Variants in SLCO3A1 observed in about 807,000 individuals in gnomAD.
SLCO3A1 encodes the protein PGE1 transporter.
In SLCO3A1, 27 loss-of-function variants were observed where a neutral mutation model predicts 63.1. That is an observed-to-expected ratio of 0.43 (90% CI 0.32 to 0.59). SLCO3A1 has a LOEUF of 0.59. SLCO3A1 is among the 20% of genes least tolerant of loss of function. The pLI, the probability that SLCO3A1 is intolerant of heterozygous loss-of-function variation, is 0.09. For synonymous variants in SLCO3A1, 473 were observed against 409.9 expected, an observed-to-expected ratio of 1.15 and a Z score of -1.86; for missense variants, 773 against 945.8, an observed-to-expected ratio of 0.82 and a Z score of 2.40.
chr15:91,960,177 G>A (rs1340344869), intron 2 of SLCO3A1, among the ~76,000 whole-genome samples: 1 of 152,154 alleles, frequency 6.6e-6, no homozygotes, highest in Non-Finnish European at 1.5e-5. Context: ...TAGAGACGGA[G>A]TTTCACGATG....
chr15:91,992,661 C>T (rs964848933), intron 2 of SLCO3A1, among the ~76,000 whole-genome samples: 7 of 152,124 alleles, frequency 4.6e-5, no homozygotes, highest in Non-Finnish European at 8.8e-5. Context: ...ATTTATGCTC[C>T]CTTGCTACCA....
At chr15:92,068,241 A>C (rs1416618343) in intron 2 of SLCO3A1, among the ~76,000 whole-genome samples, 1 of 152,208 alleles carries the variant, frequency 6.6e-6, no homozygotes, top group Admixed American at 6.5e-5. Context: ...AGGAAAACTT[A>C]GCTGTGATAG....
chr15:92,137,183 C>G (rs1309500488), intron 7 of SLCO3A1, among the ~76,000 whole-genome samples: 1 of 137,094 alleles, frequency 7.3e-6, no homozygotes, highest in Non-Finnish European at 1.5e-5. Context: ...TCCATGTGAT[C>G]TCATTGTTCA....
rs151309673 is a variant in SLCO3A1 at position 92,145,934 on chromosome 15, C to A, written c.1513-1050C>A. 2.0e-5 allele frequency among the ~76,000 whole-genome samples: 3 copies of A among 147,538 alleles called. No individual in the cohort carries two copies. The East Asian group carries it at 6.1e-4, about 30-fold the overall frequency. On this transcript the variant is annotated intron_variant, in intron 7 of 9. Transcript: ENST00000318445. ...ACTTTCAGACACCCCTGAAACCATC[C>A]CATATAGCTTAGTGGGATCAGAAAA...
At chr15:92,156,744 G>A (rs970287775) in intron 9 of SLCO3A1, among the ~76,000 whole-genome samples, 3 of 152,220 alleles carry the variant, frequency 2.0e-5, no homozygotes, top group African/African-American at 7.2e-5. Flanking sequence ...CCACCAGGTT[G>A]AATAGAGATT....
chr15:92,016,257 G>GATAGATAGATAGAT, intron 2 of SLCO3A1, among the ~76,000 whole-genome samples: 1 of 98,134 alleles, frequency 1.0e-5, no homozygotes, highest in South Asian at 3.2e-4. Flanking sequence ...AGATAGATTA[G>GATAGATAGATAGAT]ATAGATAGAT....
At chr15:91,995,780 G>GC in intron 2 of SLCO3A1, among the ~76,000 whole-genome samples, 1 of 128,294 alleles carries the variant, frequency 7.8e-6, no homozygotes, top group East Asian at 2.1e-4. Flanking sequence ...ACACAAGATG[G>GC]AAAAAAAAAA....
At chr15:92,089,268 C>T (rs567472260) in intron 2 of SLCO3A1, among the ~76,000 whole-genome samples, 3 of 152,236 alleles carry the variant, frequency 2.0e-5, no homozygotes, top group African/African-American at 4.8e-5. Flanking sequence ...CCTCGTGATC[C>T]GCTTGCCTCA....
intron 1 of SLCO3A1, among the ~76,000 whole-genome samples, chr15:91,880,630 T>G (rs1405938661): frequency 1.7e-5 from 2 of 120,246 alleles, no homozygotes; most frequent in South Asian, 2.5e-4. Context: ...TTTGAGATTG[T>G]TTTTTTTTTT....
At chr15:91,983,526 T>C (rs1040190746) in intron 2 of SLCO3A1, among the ~76,000 whole-genome samples, 10 of 152,276 alleles carry the variant, frequency 6.6e-5, no homozygotes, top group African/African-American at 2.2e-4. Context: ...CCCGGACAGA[T>C]TGAGAACTGA....
chr15:92,153,184 G>A lies in SLCO3A1; in HGVS notation c.1753+2170G>A, dbSNP rs187212247. On this transcript the variant is annotated intron_variant, in intron 9 of 9. Coordinates refer to ENST00000318445, the MANE Select transcript of SLCO3A1 (RefSeq NM_013272.4). ...GCAACTGTAATCTAGAGCAAGAGATGACAAGTTTTGCATTATGGCCCAGTA... is the reference window on the plus strand; with the variant it reads ...GCAACTGTAATCTAGAGCAAGAGATAACAAGTTTTGCATTATGGCCCAGTA... 7.2e-5 allele frequency among the ~76,000 whole-genome samples: 11 copies of A among 151,766 alleles called. No individual in the cohort carries two copies. The East Asian group carries it at 2.1e-3, about 29-fold the overall frequency.
chr15:91,943,653 C>A lies in SLCO3A1; in HGVS notation c.646+27195C>A, dbSNP rs1270045877. ...ATTCCATGTTTAATTTTTCGAGGAACCGCCATACTGTTTTTCATACCCAGT... is the reference window on the plus strand; with the variant it reads ...ATTCCATGTTTAATTTTTCGAGGAAACGCCATACTGTTTTTCATACCCAGT... On this transcript the variant is annotated intron_variant, in intron 2 of 9. Coordinates refer to ENST00000318445, the MANE Select transcript of SLCO3A1 (RefSeq NM_013272.4). Among the ~76,000 whole-genome samples, 6 of 152,244 alleles carry A rather than the reference C, an allele frequency of 3.9e-5. No individual in the cohort carries two copies. In the East Asian group the frequency reaches 1.2e-3, roughly 29 times the overall value.
Position 91,869,496 on chromosome 15 carries a change from A to G in SLCO3A1, c.180+15408A>G, listed in dbSNP as rs147012377. ...GGTTGCAATGAGCCAAGATGGCGCC[A>G]CTGCACTCCAGTCTCTGTCTCAAAG... is the stretch of plus-strand genomic sequence containing the variant. On this transcript the variant is annotated intron_variant, in intron 1 of 9. Transcript: ENST00000318445. Among the ~76,000 whole-genome samples the G allele has an allele frequency of 4.0e-5, 6 of 150,746 alleles. No homozygotes were observed. The East Asian group carries it at 1.2e-3, about 30-fold the overall frequency.
chr15:91,930,032 A>G (rs1250868792), intron 2 of SLCO3A1, among the ~76,000 whole-genome samples: 1 of 152,162 alleles, frequency 6.6e-6, no homozygotes, highest in African/African-American at 2.4e-5. Flanking sequence ...CAGCCTTATA[A>G]AAGTATATCT....
Position 92,139,336 on chromosome 15 carries a change from A to G in SLCO3A1, c.1513-7648A>G, listed in dbSNP as rs564118769. 4.9e-4 allele frequency among the ~76,000 whole-genome samples: 74 copies of G among 150,964 alleles called. 1 individual carries two copies. Among genetic ancestry groups the G allele is most frequent in the African/African-American group, 1.7e-3 (68 of 40,948 alleles). ...TCCCAGGGATGAAGCCCACTTGATCATGGTGGATAAGCTTTTTGATGTGCT... is the reference window on the plus strand; with the variant it reads ...TCCCAGGGATGAAGCCCACTTGATCGTGGTGGATAAGCTTTTTGATGTGCT... On this transcript the variant is annotated intron_variant, in intron 7 of 9. Transcript: ENST00000318445.
chr15:92,100,197 C>T (rs1434490871), intron 3 of SLCO3A1, among the ~76,000 whole-genome samples: 3 of 152,198 alleles, frequency 2.0e-5, no homozygotes, highest in African/African-American at 4.8e-5. Flanking sequence ...TTTCATGGTA[C>T]ACCCAGTGTA....
intron 2 of SLCO3A1, among the ~76,000 whole-genome samples, chr15:92,065,882 C>T (rs1422615756): frequency 2.6e-5 from 4 of 152,184 alleles, no homozygotes; most frequent in Non-Finnish European, 5.9e-5. Context: ...TTGAGCCCCT[C>T]ACTGGGAAGT....
chr15:92,110,252 C>T (rs935810005), intron 4 of SLCO3A1, among the ~76,000 whole-genome samples: 1 of 152,166 alleles, frequency 6.6e-6, no homozygotes, highest in Admixed American at 6.5e-5. Context: ...CTCTCTCCAG[C>T]CTGCCCTTGA....
Position 92,047,492 on chromosome 15 carries a change from T to A in SLCO3A1, c.647-47389T>A, listed in dbSNP as rs1254764218. Among the ~76,000 whole-genome samples, 3 of 17,336 alleles carry A rather than the reference T, an allele frequency of 1.7e-4. 1 individual carries two copies. Among genetic ancestry groups the A allele is most frequent in the Non-Finnish European group, 2.9e-4 (3 of 10,256 alleles). The allele number at this position is 17,336 out of a possible 152,430, so 11.4% of individuals were successfully genotyped here. ...ATATAAATATATATAAATATATATA[T>A]AAATATATATAAATATATATAAATA... On this transcript the variant is annotated intron_variant, in intron 2 of 9. Transcript: ENST00000318445.
Sources: allele counts gnomAD v4.1 joint callset (sites outside exome capture counted in the v4.1 genomes callset), GRCh38; gene constraint gnomAD v4.1.1; transcripts MANE v1.5; gene names NCBI Gene and HGNC (gene_info 2026-07-23, HGNC 2026-07-21).